Variants in EBF1 observed in about 807,000 individuals in gnomAD.
EBF1 encodes transcription factor COE1.
In EBF1, 10 loss-of-function variants were observed where a neutral mutation model predicts 68.4. That is an observed-to-expected ratio of 0.15 (90% confidence interval 0.09 to 0.25). EBF1 has a LOEUF of 0.25. Among genes scored for constraint, EBF1 ranks in the 10% least tolerant of loss-of-function variants. EBF1 has a pLI of 1.00. For synonymous variants in EBF1, 298 were observed against 299.8 expected (o/e 0.99, Z 0.06); for missense variants, 509 against 794.4 (o/e 0.64, Z 4.32).
intron 6 of EBF1, among the ~76,000 whole-genome samples, chr5:158,945,899 T>C (rs1308325905): frequency 6.6e-6 from 1 of 152,204 alleles, no homozygotes; most frequent in Non-Finnish European, 1.5e-5. Context: ...CTTTTTTCTC[T>C]AATCTTGTCT....
At chr5:159,036,341 C>T (rs576920364) in intron 6 of EBF1, among the ~76,000 whole-genome samples, 15 of 151,826 alleles carry the variant, frequency 9.9e-5, no homozygotes, top group Middle Eastern at 3.4e-3. Flanking sequence ...GAGCCCACAT[C>T]GCCAAGTCAA....
intron 6 of EBF1, among the ~76,000 whole-genome samples, chr5:158,868,184 T>G (rs1269250348): frequency 1.3e-5 from 2 of 152,162 alleles, no homozygotes; most frequent in Non-Finnish European, 2.9e-5. Flanking sequence ...CATTAAGAAA[T>G]AATAGCCTTA....
At chr5:158,863,926 G>T (rs934782761) in intron 6 of EBF1, among the ~76,000 whole-genome samples, 7 of 152,056 alleles carry the variant, frequency 4.6e-5, no homozygotes, top group African/African-American at 1.7e-4. Context: ...AGTTACTGAG[G>T]GGGTAAATAG....
rs752266713 is a variant in EBF1 at position 158,713,091 on chromosome 5, G to A, written c.1248C>T (p.Arg416=). Residue 416 remains arginine (R), a synonymous_variant, in exon 13 of 16, where the codon CGC becomes CGT. Coordinates refer to ENST00000313708, the MANE Select transcript of EBF1 (RefSeq NM_024007.5). ...DIAEALYSVP[R]NHNQLPALAN... ...CAAGGGCCGGGAGTTGGTTGTGGTTGCGGGGAACACTGTACAGGGCCTCGG... is the reference window on the plus strand; with the variant it reads ...CAAGGGCCGGGAGTTGGTTGTGGTTACGGGGAACACTGTACAGGGCCTCGG... 1.1e-5 allele frequency: 18 copies of A among 1,599,360 alleles called. No homozygotes were observed. The highest frequency in any genetic ancestry group is 1.7e-6 in the Non-Finnish European group (2 of 1,171,734).
chr5:158,829,136 A>G (rs1241075795), intron 7 of EBF1, among the ~76,000 whole-genome samples: 2 of 152,174 alleles, frequency 1.3e-5, no homozygotes, highest in African/African-American at 2.4e-5. Context: ...GTCTAAACCT[A>G]TAGAATGTAC....
intron 5 of EBF1, among the ~76,000 whole-genome samples, chr5:159,082,195 T>C (rs1779862332): frequency 6.6e-6 from 1 of 152,184 alleles, no homozygotes; most frequent in African/African-American, 2.4e-5. Context: ...GTCTTGTCGA[T>C]CTAAATTCTC....
At chr5:158,974,857 G>C (rs1756405264) in intron 6 of EBF1, among the ~76,000 whole-genome samples, 1 of 152,166 alleles carries the variant, frequency 6.6e-6, no homozygotes, top group African/African-American at 2.4e-5. Flanking sequence ...CATGCTTGCA[G>C]GTTGAAGAAA....
At chr5:158,952,887 A>G (rs1279629367) in intron 6 of EBF1, among the ~76,000 whole-genome samples, 1 of 152,206 alleles carries the variant, frequency 6.6e-6, no homozygotes, top group Non-Finnish European at 1.5e-5. Flanking sequence ...AAAAGAAAAA[A>G]GTAAGCCTAT....
At chr5:158,916,049 C>T (rs920784007) in intron 6 of EBF1, among the ~76,000 whole-genome samples, 2 of 152,066 alleles carry the variant, frequency 1.3e-5, no homozygotes, top group East Asian at 1.9e-4. Context: ...ACCTCCTGAC[C>T]GACAAAGGGG....
intron 6 of EBF1, among the ~76,000 whole-genome samples, chr5:158,926,115 T>A (rs771181515): frequency 2.0e-5 from 3 of 152,208 alleles, no homozygotes; most frequent in Non-Finnish European, 4.4e-5. Flanking sequence ...GCCTTTAATA[T>A]AAGGGTTATA....
intron 11 of EBF1, among the ~76,000 whole-genome samples, chr5:158,726,209 T>G (rs1174652204): frequency 6.6e-6 from 1 of 152,192 alleles, no homozygotes; most frequent in Non-Finnish European, 1.5e-5. Flanking sequence ...TATCTATACC[T>G]ACCAACATAG....
chr5:159,020,147 C>T (rs1474516835), intron 6 of EBF1, among the ~76,000 whole-genome samples: 1 of 152,080 alleles, frequency 6.6e-6, no homozygotes, highest in Non-Finnish European at 1.5e-5. Context: ...GTGTCCTTAC[C>T]TCACCCCTGC....
At chr5:158,797,492 T>C (rs1779797484) in intron 8 of EBF1, among the ~76,000 whole-genome samples, 1 of 152,206 alleles carries the variant, frequency 6.6e-6, no homozygotes, top group Non-Finnish European at 1.5e-5. Context: ...TCATCTTTAA[T>C]AAAAAGTTTA....
intron 6 of EBF1, among the ~76,000 whole-genome samples, chr5:158,860,768 G>A (rs545834452): frequency 4.6e-5 from 7 of 152,268 alleles, no homozygotes; most frequent in Non-Finnish European, 7.4e-5. Context: ...AGCCCATGGC[G>A]CATCTTGCGT....
chr5:159,040,654 T>A (rs1771014053), intron 6 of EBF1, among the ~76,000 whole-genome samples: 1 of 152,182 alleles, frequency 6.6e-6, no homozygotes, highest in Admixed American at 6.5e-5. Flanking sequence ...ACAGCCAAAT[T>A]TAACCAAAGT....
chr5:158,767,490 T>C (rs1024791089), intron 10 of EBF1, among the ~76,000 whole-genome samples: 3 of 152,110 alleles, frequency 2.0e-5, no homozygotes, highest in Admixed American at 1.3e-4. Flanking sequence ...TCTGGTACCC[T>C]TCACCAGGGT....
chr5:158,991,198 C>T (rs984636543), intron 6 of EBF1, among the ~76,000 whole-genome samples: 2 of 152,132 alleles, frequency 1.3e-5, no homozygotes, highest in African/African-American at 4.8e-5. Context: ...GAAATATGTT[C>T]CACAGAGCAC....
At position 158,698,126 on chromosome 5, in the gene EBF1, T is replaced by G. The variant is rs1232947139; in HGVS notation, c.*985A>C. On this transcript the variant is annotated 3_prime_UTR_variant, in exon 16 of 16. Coordinates refer to ENST00000313708, the MANE Select transcript of EBF1 (RefSeq NM_024007.5). ...CAACTTTTGGAAGATAGGTATGAAG[T>G]CTGCATTTAGGACGAGTAAACTTTA... 8 of 219,998 alleles carry G rather than the reference T, an allele frequency of 3.6e-5. No individual in the cohort carries two copies. Among genetic ancestry groups the G allele is most frequent in the Non-Finnish European group, 5.5e-5 (6 of 109,780 alleles). The allele number at this position is 219,998 out of a possible 1,614,324, so 13.6% of individuals were successfully genotyped here.
intron 5 of EBF1, among the ~76,000 whole-genome samples, chr5:159,074,084 C>T (rs1778302756): frequency 6.6e-6 from 1 of 152,194 alleles, no homozygotes; most frequent in Non-Finnish European, 1.5e-5. Flanking sequence ...TGGAGATTCA[C>T]ATTCCTCTGG....
Sources: allele counts gnomAD v4.1 joint callset (sites outside exome capture counted in the v4.1 genomes callset), GRCh38; gene constraint gnomAD v4.1.1; transcripts MANE v1.5; gene names NCBI Gene and HGNC (gene_info 2026-07-23, HGNC 2026-07-21).